Variants in FAM110B observed in about 807,000 individuals in gnomAD.
FAM110B encodes the protein protein FAM110B.
FAM110B carries 6 observed loss-of-function variants against 20.4 expected under a neutral mutation model. The ratio of observed to expected loss-of-function variants is 0.29; its 90% CI spans 0.16 to 0.58. The LOEUF (loss-of-function observed/expected upper bound fraction) is 0.58, where lower values mean the gene tolerates loss of function less well. Ranked by LOEUF, FAM110B falls within the 20% of genes least tolerant of loss-of-function variation. FAM110B has a pLI of 0.90. For synonymous variants in FAM110B, 226 were observed against 214.1 expected (o/e 1.06, Z -0.49); for missense variants, 434 against 498.2 (o/e 0.87, Z 1.23).
At chr8:58,024,373 T>C (rs1294823539) in intron 1 of FAM110B, among the ~76,000 whole-genome samples, 1 of 152,162 alleles carries the variant, frequency 6.6e-6, no homozygotes, top group Non-Finnish European at 1.5e-5. Context: ...AGCCTGCCTT[T>C]TTTTGGAAAG....
At chr8:57,997,726 T>A (rs1456579223) in intron 1 of FAM110B, among the ~76,000 whole-genome samples, 1 of 152,184 alleles carries the variant, frequency 6.6e-6, no homozygotes, top group Non-Finnish European at 1.5e-5. Context: ...TTCATTCTAT[T>A]CAGTACAGAC....
intron 2 of FAM110B, among the ~76,000 whole-genome samples, chr8:58,057,822 A>G (rs1805578001): frequency 6.6e-6 from 1 of 152,256 alleles, no homozygotes; most frequent in African/African-American, 2.4e-5. Context: ...GCCTTTTGGC[A>G]TGGGACCAGG....
At position 58,148,353 on chromosome 8, in the gene FAM110B, T is replaced by C. The variant is rs1414339298; in HGVS notation, c.*1010T>C. 1.2e-5 allele frequency: 2 copies of C among 167,006 alleles called. No homozygotes were observed. The highest frequency in any genetic ancestry group is 4.8e-5 in the African/African-American group (2 of 41,416). The allele number at this position is 167,006 out of a possible 1,614,324, so 10.3% of individuals were successfully genotyped here. On this transcript the variant is annotated 3_prime_UTR_variant, in exon 4 of 4. Transcript: ENST00000519262. ...CCTTCCATTCAAAAGTGAACACACT[T>C]GGTAGCTGAACCATATCTGAGCAGC...
At chr8:58,064,959 A>C (rs1805732613) in intron 2 of FAM110B, among the ~76,000 whole-genome samples, 1 of 152,204 alleles carries the variant, frequency 6.6e-6, no homozygotes, top group Non-Finnish European at 1.5e-5. Flanking sequence ...CGAGACAGCT[A>C]TCCTTTAGCC....
At chr8:58,090,331 T>G (rs1585877244) in intron 3 of FAM110B, among the ~76,000 whole-genome samples, 1 of 152,252 alleles carries the variant, frequency 6.6e-6, no homozygotes, top group East Asian at 1.9e-4. Flanking sequence ...GGCTAACTTT[T>G]TGTGTTTCTA....
chr8:58,009,847 AACTG>A (rs1448923339), intron 1 of FAM110B, among the ~76,000 whole-genome samples: 1 of 152,248 alleles, frequency 6.6e-6, no homozygotes, highest in African/African-American at 2.4e-5. Flanking sequence ...AATCATGCCA[AACTG>A]ACCTCATTTT....
At chr8:58,031,174 T>C (rs886100749) in intron 1 of FAM110B, among the ~76,000 whole-genome samples, 2 of 152,204 alleles carry the variant, frequency 1.3e-5, no homozygotes, top group Non-Finnish European at 2.9e-5. Context: ...CTTCTCCCTT[T>C]GCAAATATTA....
intron 3 of FAM110B, among the ~76,000 whole-genome samples, chr8:58,084,772 G>GT (rs113482581): frequency 0.055 from 8,428 of 152,084 alleles, 779 homozygotes; most frequent in African/African-American, 0.19. Context: ...GATAGAATGG[G>GT]TTGTGAAGCT....
At chr8:58,116,945 T>G (rs1409481385) in intron 3 of FAM110B, among the ~76,000 whole-genome samples, 1 of 152,132 alleles carries the variant, frequency 6.6e-6, no homozygotes, top group Non-Finnish European at 1.5e-5. Context: ...GCACACAGCA[T>G]TTGGGGGCTG....
intron 2 of FAM110B, among the ~76,000 whole-genome samples, chr8:58,071,869 C>A (rs1805905965): frequency 6.6e-6 from 1 of 152,166 alleles, no homozygotes; most frequent in Non-Finnish European, 1.5e-5. Flanking sequence ...TGGGAACAGT[C>A]GTTCTACTTC....
chr8:58,021,001 T>G (rs1231625480), intron 1 of FAM110B, among the ~76,000 whole-genome samples: 1 of 152,254 alleles, frequency 6.6e-6, no homozygotes, highest in Non-Finnish European at 1.5e-5. Context: ...TATTATTTTT[T>G]GCTAGGCCCA....
chr8:58,075,292 T>TGTGTGTGTGTGTGTGTGA (rs1806010508), intron 2 of FAM110B, among the ~76,000 whole-genome samples: 1 of 150,144 alleles, frequency 6.7e-6, no homozygotes, highest in African/African-American at 2.5e-5. Flanking sequence ...TGTGTGTGTG[T>TGTGTGTGTGTGTGTGTGA]GTGTTTTGTA....
intron 2 of FAM110B, among the ~76,000 whole-genome samples, chr8:58,055,388 A>G (rs944742940): frequency 2.0e-5 from 3 of 152,098 alleles, no homozygotes; most frequent in African/African-American, 7.2e-5. Flanking sequence ...TCATACCTTG[A>G]TATGTCTTTT....
intron 2 of FAM110B, among the ~76,000 whole-genome samples, chr8:58,075,275 T>TTGTGTGTGTGTGTGTGTG (rs60073899): frequency 3.2e-4 from 45 of 141,732 alleles, no homozygotes; most frequent in African/African-American, 1.3e-3. Context: ...TTTTTTTTTT[T>TTGTGTGTGTGTGTGTGTG]TGTGTGTGTG....
At chr8:58,143,313 GT>G (rs940406734) in intron 3 of FAM110B, among the ~76,000 whole-genome samples, 1 of 151,784 alleles carries the variant, frequency 6.6e-6, no homozygotes, top group African/African-American at 2.4e-5. Flanking sequence ...AGATGAAGTT[GT>G]TTTTTTTCCT....
intron 3 of FAM110B, among the ~76,000 whole-genome samples, chr8:58,109,894 G>T (rs148091888): frequency 1.6e-3 from 250 of 152,328 alleles, no homozygotes; most frequent in African/African-American, 5.5e-3. Flanking sequence ...TTTATTGCGG[G>T]TTATTCAGTT....
At chr8:58,012,952 C>T (rs1474008484) in intron 1 of FAM110B, among the ~76,000 whole-genome samples, 2 of 152,112 alleles carry the variant, frequency 1.3e-5, no homozygotes, top group African/African-American at 4.8e-5. Flanking sequence ...GTGAGCATTC[C>T]TATGACATTT....
At chr8:58,077,620 G>A (rs1563361471) in intron 3 of FAM110B, among the ~76,000 whole-genome samples, 1 of 152,178 alleles carries the variant, frequency 6.6e-6, no homozygotes, top group African/African-American at 2.4e-5. Context: ...AGAACAGCAA[G>A]GCAGTGGGGG....
At chr8:58,133,846 A>G (rs1238979027) in intron 3 of FAM110B, among the ~76,000 whole-genome samples, 1 of 152,208 alleles carries the variant, frequency 6.6e-6, no homozygotes, top group East Asian at 1.9e-4. Flanking sequence ...CCTTTCAAGG[A>G]GCTTAATGGC....
Sources: allele counts gnomAD v4.1 joint callset (sites outside exome capture counted in the v4.1 genomes callset), GRCh38; gene constraint gnomAD v4.1.1; transcripts MANE v1.5; gene names NCBI Gene and HGNC (gene_info 2026-07-23, HGNC 2026-07-21).